Variants in NPAS3 observed in about 807,000 individuals in gnomAD.
NPAS3 encodes neuronal PAS domain-containing protein 3.
In NPAS3, 14 loss-of-function variants were observed where a neutral mutation model predicts 73.1. The observed-to-expected ratio is 0.19, with a 90% CI of 0.13 to 0.30. NPAS3 has a LOEUF of 0.30. NPAS3 is among the 10% of genes least tolerant of loss of function. The pLI, the probability that NPAS3 is intolerant of heterozygous loss-of-function variation, is 1.00. For missense variants in NPAS3, 1,096 were observed against 1,250.0 expected, an observed-to-expected ratio of 0.88 and a Z score of 1.86; for synonymous variants, 620 against 541.5, an observed-to-expected ratio of 1.14 and a Z score of -2.01.
intron 2 of NPAS3, among the ~76,000 whole-genome samples, chr14:33,147,620 T>A (rs905205422): frequency 4.0e-5 from 6 of 151,364 alleles, no homozygotes; most frequent in South Asian, 2.1e-4. Context: ...AGATAGACCT[T>A]ATGTAAATGA....
chr14:33,642,045 G>A (rs1280249275), intron 5 of NPAS3, among the ~76,000 whole-genome samples: 2 of 152,070 alleles, frequency 1.3e-5, no homozygotes, highest in Non-Finnish European at 2.9e-5. Context: ...GTTTTATCAT[G>A]TCGATAGATA....
chr14:32,961,981 ATAAT>A (rs1402920114), intron 1 of NPAS3, among the ~76,000 whole-genome samples: 31 of 152,356 alleles, frequency 2.0e-4, no homozygotes, highest in African/African-American at 6.7e-4. Context: ...CTCTAAGTAA[ATAAT>A]TAAACACAAA....
chr14:33,469,387 G>A (rs1273172059), intron 4 of NPAS3, among the ~76,000 whole-genome samples: 1 of 151,582 alleles, frequency 6.6e-6, no homozygotes, highest in Non-Finnish European at 1.5e-5. Context: ...TTAAACTCTT[G>A]TGGCAACTCT....
intron 9 of NPAS3, among the ~76,000 whole-genome samples, chr14:33,790,167 T>C (rs1488410138): frequency 6.6e-6 from 1 of 152,228 alleles, no homozygotes; most frequent in Non-Finnish European, 1.5e-5. Context: ...CTAAGCTCAT[T>C]GTGTGATGAG....
At chr14:33,660,798 T>C (rs1413703335) in intron 5 of NPAS3, among the ~76,000 whole-genome samples, 1 of 152,200 alleles carries the variant, frequency 6.6e-6, no homozygotes, top group Admixed American at 6.5e-5. Context: ...GAGACTGTTT[T>C]ATTCGTCTCT....
intron 5 of NPAS3, among the ~76,000 whole-genome samples, chr14:33,658,279 T>A (rs1039660043): frequency 2.6e-5 from 4 of 152,178 alleles, no homozygotes; most frequent in African/African-American, 7.2e-5. Context: ...CAAGAATCAG[T>A]GGTGAAGACA....
chr14:33,320,219 T>C (rs1241491471), intron 3 of NPAS3, among the ~76,000 whole-genome samples: 5 of 152,124 alleles, frequency 3.3e-5, no homozygotes, highest in Non-Finnish European at 1.5e-5. Flanking sequence ...TGGAGCATGG[T>C]TCCTGTAAAG....
chr14:33,073,974 T>C (rs1207887401), intron 2 of NPAS3, among the ~76,000 whole-genome samples: 1 of 152,256 alleles, frequency 6.6e-6, no homozygotes, highest in Admixed American at 6.5e-5. Flanking sequence ...AGAGGCATCA[T>C]GTCATCTCCT....
At chr14:33,222,095 G>T (rs1004675145) in intron 3 of NPAS3, among the ~76,000 whole-genome samples, 1 of 152,098 alleles carries the variant, frequency 6.6e-6, no homozygotes, top group Non-Finnish European at 1.5e-5. Flanking sequence ...AACTTGAGGG[G>T]AATTCCAACA....
intron 8 of NPAS3, among the ~76,000 whole-genome samples, chr14:33,775,444 C>T (rs2062782866): frequency 1.3e-5 from 2 of 152,216 alleles, no homozygotes; most frequent in South Asian, 2.1e-4. Context: ...ACTGAAGATC[C>T]GAATGGTCAA....
At chr14:33,103,121 A>C (rs1481251334) in intron 2 of NPAS3, among the ~76,000 whole-genome samples, 1 of 152,198 alleles carries the variant, frequency 6.6e-6, no homozygotes, top group Non-Finnish European at 1.5e-5. Flanking sequence ...TTTGTGAATG[A>C]AAATTCAGGT....
intron 2 of NPAS3, among the ~76,000 whole-genome samples, chr14:33,088,694 G>A (rs543649441): frequency 1.8e-3 from 269 of 152,288 alleles, no homozygotes; most frequent in African/African-American, 6.0e-3. Flanking sequence ...TCCTAGCACC[G>A]AGTTTTAGAT....
intron 4 of NPAS3, among the ~76,000 whole-genome samples, chr14:33,508,100 C>A (rs1156424628): frequency 1.3e-5 from 2 of 152,006 alleles, no homozygotes; most frequent in Non-Finnish European, 2.9e-5. Context: ...ATAATATTGC[C>A]ATTGTTTCTC....
At chr14:33,705,641 G>A (rs893516870) in intron 6 of NPAS3, among the ~76,000 whole-genome samples, 2 of 152,180 alleles carry the variant, frequency 1.3e-5, no homozygotes, top group Non-Finnish European at 2.9e-5. Flanking sequence ...CGTGTGGAAT[G>A]TTCCTTAGAT....
chr14:33,265,441 A>G (rs1195559297), intron 3 of NPAS3, among the ~76,000 whole-genome samples: 2 of 151,964 alleles, frequency 1.3e-5, no homozygotes, highest in Admixed American at 1.3e-4. Flanking sequence ...AATCTCTATT[A>G]TATGCTAATG....
chr14:32,965,886 A>G lies in NPAS3; in HGVS notation c.50+26520A>G, dbSNP rs147630273. On this transcript the variant is annotated intron_variant, in intron 1 of 11. Coordinates refer to ENST00000356141, the Ensembl canonical transcript of NPAS3. ...AAATTGCAGGATATAAAATCAATATACAAAAAATTAGTGGTGGTTCTATAG... is the reference window on the plus strand; with the variant it reads ...AAATTGCAGGATATAAAATCAATATGCAAAAAATTAGTGGTGGTTCTATAG... 3.7e-4 allele frequency among the ~76,000 whole-genome samples: 57 copies of G among 152,342 alleles called. 1 individual carries two copies. The highest frequency in any genetic ancestry group is 1.3e-3 in the African/African-American group (54 of 41,576).
chr14:33,410,582 G>A (rs897234701), intron 4 of NPAS3, among the ~76,000 whole-genome samples: 1 of 152,098 alleles, frequency 6.6e-6, no homozygotes, highest in Admixed American at 6.6e-5. Flanking sequence ...AGATATTCAA[G>A]GCTCCTTCTG....
chr14:33,207,554 G>T (rs143777410), intron 2 of NPAS3, among the ~76,000 whole-genome samples: 1 of 152,242 alleles, frequency 6.6e-6, no homozygotes, highest in East Asian at 1.9e-4. Context: ...TAATGTATAA[G>T]ATTTCAATTT....
At chr14:33,478,874 G>A (rs571548772) in intron 4 of NPAS3, among the ~76,000 whole-genome samples, 17 of 152,114 alleles carry the variant, frequency 1.1e-4, no homozygotes, top group Non-Finnish European at 1.9e-4. Flanking sequence ...TTAATCTCAT[G>A]GCCTTGAATT....
Sources: allele counts gnomAD v4.1 joint callset (sites outside exome capture counted in the v4.1 genomes callset), GRCh38; gene constraint gnomAD v4.1.1; transcripts MANE v1.5; gene names NCBI Gene and HGNC (gene_info 2026-07-23, HGNC 2026-07-21).